ARID3A: variants seen among roughly 807,000 people sequenced by gnomAD.
ARID3A encodes AT-rich interactive domain-containing protein 3A.
Under a neutral mutation model 52.7 loss-of-function variants are expected in ARID3A, and 11 were observed. That is an observed-to-expected ratio of 0.21 (90% CI 0.13 to 0.35). ARID3A has a LOEUF of 0.35. ARID3A is among the 10% of genes least tolerant of loss of function. ARID3A has a pLI of 1.00. For synonymous variants in ARID3A, 404 were observed against 359.4 expected, an observed-to-expected ratio of 1.12 and a Z score of -1.40; for missense variants, 721 against 838.5, an observed-to-expected ratio of 0.86 and a Z score of 1.73.
At chr19:963,302 A>G (rs2038081239) in intron 4 of ARID3A, among the ~76,000 whole-genome samples, 2 of 152,334 alleles carry the variant, frequency 1.3e-5, no homozygotes, top group Non-Finnish European at 2.9e-5. Context: ...CTGAGCGCCT[A>G]CTGTATGCCA....
Position 966,219 on chromosome 19 carries a change from GGAGGCC to G in ARID3A, c.1199-347_1199-342del, listed in dbSNP as rs546005910. On this transcript the variant is annotated intron_variant, in intron 6 of 8. Coordinates refer to ENST00000263620, the MANE Select transcript of ARID3A (RefSeq NM_005224.3). The stretch of plus-strand genomic sequence containing the variant: ...TCACGCCTGTAATCCCAGCACTTTG[GGAGGCC>G]GAGGCGGGCGGATCACCTGAGGTCA... Among the ~76,000 whole-genome samples the G allele has an allele frequency of 2.0e-3, 298 of 151,618 alleles. 2 individuals carry two copies. Among genetic ancestry groups the G allele is most frequent in the African/African-American group, 6.9e-3 (287 of 41,318 alleles).
intron 3 of ARID3A, among the ~76,000 whole-genome samples, chr19:952,233 C>T (rs1258116971): frequency 1.3e-5 from 2 of 151,744 alleles, no homozygotes; most frequent in Non-Finnish European, 2.9e-5. Flanking sequence ...TCACTTGAGC[C>T]CAGGAGTTTG....
Position 960,787 on chromosome 19 carries a change from A to C in ARID3A, c.766+623A>C, listed in dbSNP as rs2038024255. On this transcript the variant is annotated intron_variant, in intron 4 of 8. Transcript: ENST00000263620. The surrounding 1 kb of genome is among the most constrained non-coding windows in gnomAD (Gnocchi z 4.3). Reference sequence around the variant, plus strand: ...TGCAGGGCCGCTGTTTACTGTGCACACTTATTGGGCACCAACGGTATACCA... The same window carrying C: ...TGCAGGGCCGCTGTTTACTGTGCACCCTTATTGGGCACCAACGGTATACCA... 6.6e-6 allele frequency among the ~76,000 whole-genome samples: 1 copy of C among 152,146 alleles called. No individual in the cohort carries two copies. The highest frequency in any genetic ancestry group is 1.5e-5 in the Non-Finnish European group (1 of 68,028).
In ARID3A at chr19:942,043, C is replaced by T. The variant is rs925521040; in HGVS notation, c.693+9301C>T. Reference sequence around the variant, plus strand: ...AGAGAGTGGCGCTGTCTGTCTTGGTCAGCAGCGCGCGTCGGCCGCGGGGCA... The same window carrying T: ...AGAGAGTGGCGCTGTCTGTCTTGGTTAGCAGCGCGCGTCGGCCGCGGGGCA... On this transcript the variant is annotated intron_variant, in intron 3 of 8. Transcript: ENST00000263620. The surrounding 1 kb of genome is among the most constrained non-coding windows in gnomAD (Gnocchi z 8.1). 4.6e-5 allele frequency among the ~76,000 whole-genome samples: 7 copies of T among 152,176 alleles called. No homozygotes were observed. The highest frequency in any genetic ancestry group is 1.7e-4 in the African/African-American group (7 of 41,432).
At chr19:968,382 C>T (rs758508914) in intron 7 of ARID3A, 23 bp from the exon 8 acceptor site, 3 of 1,589,368 alleles carry the variant, frequency 1.9e-6, no homozygotes, top group African/African-American at 1.4e-5. Flanking sequence ...AAAAAAGAAA[C>T]TAATTTGTTC....
chr19:926,901 CG>C (rs1319109883), intron 1 of ARID3A, among the ~76,000 whole-genome samples: 1 of 151,848 alleles, frequency 6.6e-6, no homozygotes, highest in Non-Finnish European at 1.5e-5. Context: ...CCATGCAAAT[CG>C]GCCGCTTTCC....
At position 932,680 on chromosome 19, in the gene ARID3A, G is replaced by A. The variant is rs577924521; in HGVS notation, c.631G>A (p.Val211Ile). The A allele has an allele frequency of 1.4e-5, 21 of 1,546,112 alleles. No homozygotes were observed. The highest frequency in any genetic ancestry group is 9.8e-5 in the East Asian group (4 of 40,760). The change falls in exon 3 of 9, where the codon GTA (valine) becomes ATA (isoleucine). Residue 211 changes from valine to isoleucine, a missense_variant. Val to Ile is a conservative substitution (Grantham distance 29, BLOSUM62 3). Around this residue, in one of 5 missense-constraint regions of ARID3A, gnomAD observed 349 missense variants for 297.3 expected, o/e 1.17. Transcript: ENST00000263620. ...GPAHPGGAAHVAPQLQPPDHG... is the reference protein window; with the variant it reads ...GPAHPGGAAHIAPQLQPPDHG... ...TGCCCACCCCGGAGGGGCCGCCCACGTAGCCCCGCAGCTGCAGCCGCCTGA... is the reference window on the plus strand; with the variant it reads ...TGCCCACCCCGGAGGGGCCGCCCACATAGCCCCGCAGCTGCAGCCGCCTGA...
intron 4 of ARID3A, chr19:961,933 C>G (rs2038049590): frequency 6.6e-6 from 1 of 152,234 alleles, no homozygotes; most frequent in Non-Finnish European, 1.5e-5. Context: ...AAACAAAAAG[C>G]AGGCATGGTA....
At position 959,735 on chromosome 19, in the gene ARID3A, C is replaced by T. The variant is rs1368577410; in HGVS notation, c.694-357C>T. Among the ~76,000 whole-genome samples, 3 of 151,702 alleles carry T rather than the reference C, an allele frequency of 2.0e-5. No homozygotes were observed. The highest frequency in any genetic ancestry group is 2.0e-4 in the East Asian group (1 of 5,122). ...AGAAGAGGAGAGAGAGACGGGGAGA[C>T]GGTCTTGTGGAGACGGAGGCAGAGA... On this transcript the variant is annotated intron_variant, in intron 3 of 8. Transcript: ENST00000263620. The surrounding 1 kb of genome is among the most constrained non-coding windows in gnomAD (Gnocchi z 5.0).
rs770796937 is a variant in ARID3A at position 960,817 on chromosome 19, CT to C, written c.766+654del. Among the ~76,000 whole-genome samples the C allele has an allele frequency of 2.0e-4, 30 of 152,188 alleles. No individual in the cohort carries two copies. The highest frequency in any genetic ancestry group is 6.5e-4 in the African/African-American group (27 of 41,430). The stretch of plus-strand genomic sequence containing the variant: ...TTGGGCACCAACGGTATACCAGGCT[CT>C]GTGCCCCCAAAGTCTCCTGGCCTAG... On this transcript the variant is annotated intron_variant, in intron 4 of 8. Transcript: ENST00000263620. This position sits in a 1 kb window ranked among gnomAD's most constrained non-coding sequence, Gnocchi z 4.3.
chr19:972,082 C>G lies in ARID3A; in HGVS notation c.*17C>G. ...TTGCCTTAACCGCATCACTCCCCAC[C>G]CGCCACCCACCCTGGAGCCCGCCGG... On this transcript the variant is annotated 3_prime_UTR_variant, in exon 9 of 9. Transcript: ENST00000263620. 6.6e-7 allele frequency: 1 copy of G among 1,507,872 alleles called. No individual in the cohort carries two copies. 93.4% of individuals were successfully genotyped at this position (1,507,872 alleles called of 1,614,324 possible).
rs3746141 is a variant in ARID3A at position 954,978 on chromosome 19, G to A, written c.694-5114G>A. Reference sequence around the variant, plus strand: ...CTCAGCCCCTGGGGAGGGAGTTTCCGGAGATTTTGCCCAATCTCCAGCCTG... The same window carrying A: ...CTCAGCCCCTGGGGAGGGAGTTTCCAGAGATTTTGCCCAATCTCCAGCCTG... On this transcript the variant is annotated intron_variant, in intron 3 of 8. Coordinates refer to ENST00000263620, the MANE Select transcript of ARID3A (RefSeq NM_005224.3). Among the ~76,000 whole-genome samples the A allele has an allele frequency of 5.9e-5, 9 of 152,274 alleles. No individual in the cohort carries two copies. In the East Asian group the frequency reaches 7.7e-4, roughly 13 times the overall value.
At chr19:936,005 T>C (rs1203405787) in intron 3 of ARID3A, among the ~76,000 whole-genome samples, 1 of 149,290 alleles carries the variant, frequency 6.7e-6, no homozygotes, top group Non-Finnish European at 1.5e-5. Flanking sequence ...TTAGCCAGGA[T>C]GGTCTCGATC....
Position 950,561 on chromosome 19 carries a change from G to A in ARID3A, c.694-9531G>A, listed in dbSNP as rs372921404. On this transcript the variant is annotated intron_variant, in intron 3 of 8. Coordinates refer to ENST00000263620, the MANE Select transcript of ARID3A (RefSeq NM_005224.3). ...CAGATGGCTGTAGCCATGTGGAGGC[G>A]CGCGTGGGGACCGGCAGGCAGGCAG... Among the ~76,000 whole-genome samples the A allele has an allele frequency of 5.4e-4, 83 of 152,308 alleles. No individual in the cohort carries two copies. The East Asian group carries it at 9.5e-3, about 17-fold the overall frequency.
chr19:968,518 G>A lies in ARID3A; in HGVS notation c.1594+15G>A. 1 of 1,611,400 alleles carries A rather than the reference G, an allele frequency of 6.2e-7. No homozygotes were observed. The highest frequency in any genetic ancestry group is 8.5e-7 in the Non-Finnish European group (1 of 1,178,144). Reference sequence around the variant, plus strand: ...CATGTACACAGGTAGGACCCCTGAGGCCACGCCCTGCCTGGACCTCGCCTC... The same window carrying A: ...CATGTACACAGGTAGGACCCCTGAGACCACGCCCTGCCTGGACCTCGCCTC... On this transcript the variant is annotated intron_variant, in intron 8 of 8. Transcript: ENST00000263620.
Position 942,456 on chromosome 19 carries a change from G to A in ARID3A, c.693+9714G>A, listed in dbSNP as rs2037576844. Among the ~76,000 whole-genome samples the A allele has an allele frequency of 6.6e-6, 1 of 152,204 alleles. No individual in the cohort carries two copies. The highest frequency in any genetic ancestry group is 2.1e-4 in the South Asian group (1 of 4,836). On this transcript the variant is annotated intron_variant, in intron 3 of 8. Transcript: ENST00000263620. This position sits in a 1 kb window ranked among gnomAD's most constrained non-coding sequence, Gnocchi z 8.1. ...GCCGACCTGGTGGGTGGCACACGGG[G>A]GGCGGGTGCGGACCGCCTCTTCTCC...
chr19:927,679 C>G (rs1205266038), intron 1 of ARID3A, among the ~76,000 whole-genome samples: 1 of 84,174 alleles, frequency 1.2e-5, no homozygotes, highest in Non-Finnish European at 2.1e-5. Flanking sequence ...CCCCTCAGCA[C>G]TTTCTTGGGT....
rs1457530903 is a variant in ARID3A, at chr19:933,848, G to GC, written c.693+1106_693+1107insC. ...CCAGGGCAGCGGCGGGGACTCGGTG[G>GC]GGGGGGGGGGCGTCTCGCTGATTCC... On this transcript the variant is annotated intron_variant, in intron 3 of 8. Coordinates refer to ENST00000263620, the MANE Select transcript of ARID3A (RefSeq NM_005224.3). Among the ~76,000 whole-genome samples, 4 of 141,844 alleles carry GC rather than the reference G, an allele frequency of 2.8e-5. 1 individual carries two copies. The highest frequency in any genetic ancestry group is 1.1e-4 in the African/African-American group (4 of 37,698). The allele number at this position is 141,844 out of a possible 152,430, so 93.1% of individuals were successfully genotyped here.
intron 8 of ARID3A, among the ~76,000 whole-genome samples, chr19:971,485 C>T (rs1236316503): frequency 6.6e-6 from 1 of 152,038 alleles, no homozygotes; most frequent in East Asian, 1.9e-4. Context: ...TGGCAGGCGC[C>T]TGTAGTTAGT....
Sources: allele counts gnomAD v4.1 joint callset (sites outside exome capture counted in the v4.1 genomes callset), GRCh38; gene constraint gnomAD v4.1.1; regional missense constraint gnomAD v4.1.1; non-coding constraint Gnocchi (gnomAD v3.1); transcripts MANE v1.5; gene names NCBI Gene and HGNC (gene_info 2026-07-23, HGNC 2026-07-21).